The following TTC33 variants were observed in gnomAD, a reference collection of about 807,000 sequenced individuals.
TTC33 encodes tetratricopeptide repeat domain 33.
TTC33 carries 24 observed loss-of-function variants against 29.4 expected under a neutral mutation model. The observed-to-expected ratio is 0.82, with a 90% CI of 0.59 to 1.15. The LOEUF is 1.15. Among genes scored for constraint, TTC33 ranks in the 50% most tolerant of loss-of-function variants. The pLI is 0.00. For synonymous variants in TTC33, 107 were observed against 100.3 expected (o/e 1.07, Z -0.40); for missense variants, 286 against 310.4 (o/e 0.92, Z 0.59).
chr5:40,754,663 T>G (rs1742952927), intron 1 of TTC33, among the ~76,000 whole-genome samples: 4 of 152,196 alleles, frequency 2.6e-5, no homozygotes. Flanking sequence ...CAGAGTACAG[T>G]CAATTTCATA....
intron 2 of TTC33, among the ~76,000 whole-genome samples, chr5:40,733,763 A>C (rs563043653): frequency 2.6e-5 from 4 of 152,182 alleles, no homozygotes; most frequent in African/African-American, 9.6e-5. Flanking sequence ...TCCCGTCCCC[A>C]ACCCCACAAA....
At position 40,713,510 on chromosome 5, in the gene TTC33, C is replaced by A. The variant is rs960811431; in HGVS notation, c.*2635G>T. Among the ~76,000 whole-genome samples, 1 of 152,146 alleles carries A rather than the reference C, an allele frequency of 6.6e-6. No individual in the cohort carries two copies. The highest frequency in any genetic ancestry group is 1.5e-5 in the Non-Finnish European group (1 of 68,012). The stretch of plus-strand genomic sequence containing the variant: ...TATGTAGGCCCCAGTTGCAGTAGAT[C>A]TGGCTCCTGTGAGCTATAACTTGCA... On this transcript the variant is annotated 3_prime_UTR_variant, in exon 5 of 5. Transcript: ENST00000337702.
intron 2 of TTC33, among the ~76,000 whole-genome samples, chr5:40,732,354 GGA>G: frequency 6.6e-6 from 1 of 152,022 alleles, no homozygotes; most frequent in East Asian, 1.9e-4. Flanking sequence ...TTATTGATGA[GGA>G]ACCAATGGTT....
At chr5:40,742,081 T>C (rs1014661350) in intron 2 of TTC33, among the ~76,000 whole-genome samples, 2 of 152,176 alleles carry the variant, frequency 1.3e-5, no homozygotes, top group Non-Finnish European at 2.9e-5. Context: ...TGCTGACTAC[T>C]GTCCAATGGT....
At chr5:40,724,620 G>A (rs955119358) in intron 4 of TTC33, among the ~76,000 whole-genome samples, 5 of 151,444 alleles carry the variant, frequency 3.3e-5, no homozygotes, top group Non-Finnish European at 7.4e-5. Context: ...GGAACAGAGC[G>A]AGACTCCATC....
intron 1 of TTC33, among the ~76,000 whole-genome samples, chr5:40,755,561 G>C (rs920620557): frequency 6.6e-6 from 1 of 152,220 alleles, no homozygotes; most frequent in African/African-American, 2.4e-5. Context: ...CCGCGAAGGT[G>C]CCACGGCGGG....
Position 40,738,000 on chromosome 5 carries a change from T to C in TTC33, c.222-7657A>G, listed in dbSNP as rs182858395. On this transcript the variant is annotated intron_variant, in intron 2 of 4. Coordinates refer to ENST00000337702, the MANE Select transcript of TTC33 (RefSeq NM_012382.3). The stretch of plus-strand genomic sequence containing the variant: ...TGTCCCAGTTCATGGACACTATTAA[T>C]AAAGCTGCTAGAGACATTGTTGGAA... Among the ~76,000 whole-genome samples the C allele has an allele frequency of 1.2e-4, 19 of 152,354 alleles. No homozygotes were observed. The East Asian group carries it at 3.5e-3, about 28-fold the overall frequency.
At chr5:40,722,179 TGG>T (rs1742149281) in intron 4 of TTC33, among the ~76,000 whole-genome samples, 9 of 150,292 alleles carry the variant, frequency 6.0e-5, no homozygotes, top group Admixed American at 4.6e-4. Flanking sequence ...CACTCCAGCC[TGG>T]GTGACAGAGG....
intron 2 of TTC33, among the ~76,000 whole-genome samples, chr5:40,742,515 T>C (rs1742715932): frequency 6.6e-6 from 1 of 152,122 alleles, no homozygotes. Context: ...ACAGCAGAAC[T>C]AGGATAAGAA....
At chr5:40,733,027 GA>G (rs1184335660) in intron 2 of TTC33, among the ~76,000 whole-genome samples, 4 of 149,252 alleles carry the variant, frequency 2.7e-5, no homozygotes, top group Middle Eastern at 3.4e-3. Context: ...TAACACACAG[GA>G]AAAAAAAATG....
intron 1 of TTC33, among the ~76,000 whole-genome samples, chr5:40,747,726 A>G (rs548831061): frequency 6.6e-6 from 1 of 152,246 alleles, no homozygotes; most frequent in Non-Finnish European, 1.5e-5. Context: ...GAAGAGAAAG[A>G]ACAAGGTAAC....
intron 2 of TTC33, among the ~76,000 whole-genome samples, chr5:40,746,493 A>C (rs2111932789): frequency 6.6e-6 from 1 of 152,312 alleles, no homozygotes; most frequent in Non-Finnish European, 1.5e-5. Flanking sequence ...TTTACTGACC[A>C]ATCACTTGAA....
chr5:40,743,630 G>A (rs1326754130), intron 2 of TTC33, among the ~76,000 whole-genome samples: 2 of 151,972 alleles, frequency 1.3e-5, no homozygotes, highest in Non-Finnish European at 2.9e-5. Flanking sequence ...AAAATTAGCT[G>A]GGCATGGTGG....
chr5:40,722,769 G>C (rs1342015675), intron 4 of TTC33, among the ~76,000 whole-genome samples: 4 of 151,306 alleles, frequency 2.6e-5, no homozygotes, highest in Non-Finnish European at 5.9e-5. Flanking sequence ...CCCCGTCCCG[G>C]AGGTGGCGGG....
rs1256689472 is a variant in TTC33 at position 40,716,206 on chromosome 5, A to G, written c.728T>C (p.Val243Ala). 6.2e-7 allele frequency: 1 copy of G among 1,614,128 alleles called. No homozygotes were observed. Among genetic ancestry groups the G allele is most frequent in the Non-Finnish European group, 8.5e-7 (1 of 1,180,002 alleles). The change falls in exon 5 of 5, where the codon GTA becomes GCA. Residue 243 changes from valine (V) to alanine (A), a missense_variant. Coordinates refer to ENST00000337702, the MANE Select transcript of TTC33 (RefSeq NM_012382.3). ...TGTAGCACCATCCTCCTTTTCAGTT[A>G]CAGTCTCTATGGCCCCAGAAGCAGA... ...IVSASGAIET[V>A]TEKEDGATPP... is the part of the protein sequence containing the mutation.
chr5:40,717,781 C>T (rs1217833546), intron 4 of TTC33, among the ~76,000 whole-genome samples: 3 of 152,114 alleles, frequency 2.0e-5, no homozygotes, highest in Non-Finnish European at 4.4e-5. Context: ...TGCACTTAAT[C>T]GGCCAGGCAC....
rs754304246 is a variant in TTC33, at chr5:40,738,514, CAATAAAATAA to C, written c.222-8181_222-8172del. Among the ~76,000 whole-genome samples the C allele has an allele frequency of 6.1e-4, 49 of 79,814 alleles. 2 individuals are homozygous for C. Among genetic ancestry groups the C allele is most frequent in the African/African-American group, 2.2e-3 (45 of 20,466 alleles). 52.4% of individuals were successfully genotyped at this position (79,814 alleles called of 152,430 possible). A position where few individuals can be genotyped will look rare whatever the true frequency, so the allele number is the denominator to read the frequency against. ...CAATACAATACAATACAATAAAATA[CAATAAAATAA>C]AATACAATAAAATACAATAAAATAA... On this transcript the variant is annotated intron_variant, in intron 2 of 4. Transcript: ENST00000337702.
intron 4 of TTC33, among the ~76,000 whole-genome samples, chr5:40,726,843 AGTATT>A (rs1278798383): frequency 6.6e-6 from 1 of 152,120 alleles, no homozygotes; most frequent in Admixed American, 6.6e-5. Context: ...GCAAGGAAAA[AGTATT>A]ATATGATAGG....
chr5:40,749,113 A>C (rs190036110), intron 1 of TTC33, among the ~76,000 whole-genome samples: 2 of 152,322 alleles, frequency 1.3e-5, no homozygotes, highest in East Asian at 3.9e-4. Flanking sequence ...AAAATAAATA[A>C]ATAACAAATG....
Sources: allele counts gnomAD v4.1 joint callset (sites outside exome capture counted in the v4.1 genomes callset), GRCh38; gene constraint gnomAD v4.1.1; transcripts MANE v1.5; gene names NCBI Gene and HGNC (gene_info 2026-07-23, HGNC 2026-07-21).